GPC5: variants seen among roughly 807,000 people sequenced by gnomAD.
The protein encoded by GPC5 is glypican-5.
Under a neutral mutation model 53.9 loss-of-function variants are expected in GPC5, and 47 were observed. That is an observed-to-expected ratio of 0.87 (90% CI 0.69 to 1.11). GPC5 has a LOEUF of 1.11. Among genes scored for constraint, GPC5 ranks in the 50% most tolerant of loss-of-function variants. The pLI is 0.00. For synonymous variants in GPC5, 286 were observed against 263.3 expected, an observed-to-expected ratio of 1.09 and a Z score of -0.84; for missense variants, 748 against 713.1, an observed-to-expected ratio of 1.05 and a Z score of -0.56.
intron 1 of GPC5, among the ~76,000 whole-genome samples, chr13:91,399,510 T>TG (rs1394098827): frequency 6.6e-6 from 1 of 152,094 alleles, no homozygotes; most frequent in Non-Finnish European, 1.5e-5. Flanking sequence ...CATCAGGGCG[T>TG]GGGGGACACG....
intron 2 of GPC5, among the ~76,000 whole-genome samples, chr13:91,449,386 G>A (rs961300434): frequency 3.3e-5 from 5 of 151,824 alleles, no homozygotes; most frequent in African/African-American, 1.2e-4. Context: ...TGAGATACAT[G>A]TGCAGAACAT....
intron 6 of GPC5, among the ~76,000 whole-genome samples, chr13:92,060,388 A>C (rs1318609052): frequency 6.6e-6 from 1 of 152,060 alleles, no homozygotes; most frequent in Admixed American, 6.6e-5. Context: ...TCCTCATATA[A>C]CCATATACAG....
chr13:91,717,396 G>A (rs773595550), intron 3 of GPC5, among the ~76,000 whole-genome samples: 5 of 152,190 alleles, frequency 3.3e-5, no homozygotes, highest in Non-Finnish European at 7.3e-5. Flanking sequence ...CTGGAGGGAA[G>A]GATTAGAGCT....
chr13:91,885,358 G>GT (rs955191683), intron 5 of GPC5, among the ~76,000 whole-genome samples: 6 of 152,174 alleles, frequency 3.9e-5, no homozygotes, highest in Admixed American at 1.3e-4. Flanking sequence ...TTTTAAGGAA[G>GT]TTTTTTTTCT....
At chr13:92,265,603 C>A (rs9589470) in intron 7 of GPC5, among the ~76,000 whole-genome samples, 29,843 of 152,106 alleles carry the variant, frequency 0.2, 3,071 homozygotes, top group South Asian at 0.38. Context: ...CAGCTGTTCT[C>A]TTCTGAACTC....
chr13:92,646,929 CATGTGTGT>C (rs1222188724), intron 7 of GPC5, among the ~76,000 whole-genome samples: 8 of 135,096 alleles, frequency 5.9e-5, no homozygotes, highest in Non-Finnish European at 1.1e-4. Flanking sequence ...TATATATAAA[CATGTGTGT>C]GTGTGTGTGT....
At chr13:91,532,200 C>A (rs1180402667) in intron 2 of GPC5, among the ~76,000 whole-genome samples, 1 of 152,040 alleles carries the variant, frequency 6.6e-6, no homozygotes, top group African/African-American at 2.4e-5. Context: ...ATGTTATTGT[C>A]AAAGCTCTGG....
At chr13:92,060,368 C>T (rs770032615) in intron 6 of GPC5, among the ~76,000 whole-genome samples, 1 of 151,966 alleles carries the variant, frequency 6.6e-6, no homozygotes, top group Non-Finnish European at 1.5e-5. Flanking sequence ...AAAATTATTT[C>T]ATTTATTTTT....
At chr13:92,082,689 A>G (rs926299564) in intron 6 of GPC5, among the ~76,000 whole-genome samples, 7 of 152,206 alleles carry the variant, frequency 4.6e-5, no homozygotes, top group African/African-American at 1.4e-4. Context: ...TAAGAGTTTA[A>G]ATTTTTCTCT....
intron 6 of GPC5, among the ~76,000 whole-genome samples, chr13:92,137,427 T>C (rs564822387): frequency 6.6e-6 from 1 of 152,328 alleles, no homozygotes; most frequent in East Asian, 1.9e-4. Flanking sequence ...AGCCAGTTAA[T>C]GTTACTCCCA....
At chr13:91,463,214 A>AAC (rs1882043292) in intron 2 of GPC5, among the ~76,000 whole-genome samples, 1 of 152,116 alleles carries the variant, frequency 6.6e-6, no homozygotes. Context: ...TACTTAATGC[A>AAC]ACACCTCTAC....
chr13:91,743,197 G>C (rs566513175), intron 4 of GPC5, among the ~76,000 whole-genome samples: 3 of 152,198 alleles, frequency 2.0e-5, no homozygotes, highest in Admixed American at 2.0e-4. Context: ...GTCAGTAAAG[G>C]TCTACAGAGT....
At chr13:91,607,147 A>T (rs978499165) in intron 2 of GPC5, among the ~76,000 whole-genome samples, 1 of 152,110 alleles carries the variant, frequency 6.6e-6, no homozygotes, top group African/African-American at 2.4e-5. Context: ...TTGAAATGTC[A>T]AACAGATAGT....
intron 7 of GPC5, among the ~76,000 whole-genome samples, chr13:92,853,406 T>C (rs908951404): frequency 1.3e-5 from 2 of 152,190 alleles, no homozygotes; most frequent in African/African-American, 4.8e-5. Flanking sequence ...CTCATAAGTA[T>C]GTATATCTAG....
At chr13:91,407,719 G>T (rs1157482634) in intron 1 of GPC5, among the ~76,000 whole-genome samples, 2 of 152,116 alleles carry the variant, frequency 1.3e-5, no homozygotes, top group Non-Finnish European at 2.9e-5. Context: ...GCTGATCATT[G>T]TTTGTTAAAG....
chr13:92,337,200 C>A (rs1188448415), intron 7 of GPC5, among the ~76,000 whole-genome samples: 3 of 105,622 alleles, frequency 2.8e-5, no homozygotes, highest in Non-Finnish European at 5.3e-5. Flanking sequence ...GCACCCCCCA[C>A]CCAAAAAAAA....
At chr13:92,477,671 C>G (rs775802447) in intron 7 of GPC5, among the ~76,000 whole-genome samples, 2 of 152,092 alleles carry the variant, frequency 1.3e-5, no homozygotes, top group African/African-American at 2.4e-5. Context: ...TTAACAATTA[C>G]AAAAATAATC....
At chr13:91,788,028 G>A (rs1400748886) in intron 5 of GPC5, among the ~76,000 whole-genome samples, 2 of 152,074 alleles carry the variant, frequency 1.3e-5, no homozygotes, top group Non-Finnish European at 2.9e-5. Flanking sequence ...TTTCTGATTT[G>A]TATTTGTATG....
intron 5 of GPC5, among the ~76,000 whole-genome samples, chr13:91,783,587 C>A (rs1440555406): frequency 6.6e-6 from 1 of 152,042 alleles, no homozygotes; most frequent in Non-Finnish European, 1.5e-5. Flanking sequence ...GCACATGCCA[C>A]CATGCCCGGC....
Sources: gnomAD v4.1 joint callset for allele counts (sites outside exome capture counted in the v4.1 genomes callset) on GRCh38, gnomAD v4.1.1 for gene constraint, MANE v1.5 for transcripts, NCBI Gene and HGNC (gene_info 2026-07-23, HGNC 2026-07-21) for gene names.